The following ZBTB46 variants were observed in gnomAD, a reference collection of about 807,000 sequenced individuals.
ZBTB46 encodes zinc finger and BTB domain containing 46.
ZBTB46 carries 8 observed loss-of-function variants against 44.1 expected under a neutral mutation model. That is an observed-to-expected ratio of 0.18 (90% confidence interval 0.11 to 0.33). The LOEUF (loss-of-function observed/expected upper bound fraction) is 0.33. Ranked by LOEUF, ZBTB46 falls within the 10% of genes least tolerant of loss-of-function variation. ZBTB46 has a pLI of 1.00. For synonymous variants in ZBTB46, 409 were observed against 382.3 expected (o/e 1.07, Z -0.81); for missense variants, 651 against 847.7 (o/e 0.77, Z 2.88).
At chr20:63,770,065 A>G (rs1051407509) in intron 3 of ZBTB46, among the ~76,000 whole-genome samples, 3 of 152,154 alleles carry the variant, frequency 2.0e-5, no homozygotes, top group African/African-American at 7.2e-5. Context: ...GACTCTTTAA[A>G]AGAGTGAGGG....
chr20:63,825,169 G>C (rs2092813019), intron 1 of ZBTB46, among the ~76,000 whole-genome samples: 1 of 151,570 alleles, frequency 6.6e-6, no homozygotes, highest in African/African-American at 2.4e-5. Flanking sequence ...GGGAGACCGA[G>C]GCAGGCGGAT....
At position 63,775,948 on chromosome 20, in the gene ZBTB46, C is replaced by T. The variant is rs779293573; in HGVS notation, c.952G>A (p.Val318Ile). Residue 318 changes from valine to isoleucine, a missense_variant, in exon 3 of 5, where the codon GTC (valine) becomes ATC (isoleucine). Val to Ile is a conservative substitution (Grantham distance 29). Transcript: ENST00000245663. Reference protein sequence around the residue: ...SSRDSNADLSVTEASSSDSRG... With the variant: ...SSRDSNADLSITEASSSDSRG... The stretch of plus-strand genomic sequence containing the variant: ...CTGTCGGAGCTGCTGGCTTCGGTGA[C>T]GGACAGGTCCGCATCTGGGGACAGA... 5.1e-6 allele frequency: 8 copies of T among 1,570,396 alleles called. No individual in the cohort carries two copies. The highest frequency in any genetic ancestry group is 1.8e-5 in the Admixed American group (1 of 55,716).
In ZBTB46 at chr20:63,803,664, G is replaced by A. The variant is rs1053271751; in HGVS notation, c.-33-12874C>T. Among the ~76,000 whole-genome samples the A allele has an allele frequency of 1.3e-5, 2 of 151,198 alleles. No individual in the cohort carries two copies. The highest frequency in any genetic ancestry group is 4.2e-4 in the South Asian group (2 of 4,740). ...CCTTCATCTCCAGCCCGGCTCTGACGCCCAGGCCGCCTCCTCCGCCTTCCC... is the reference window on the plus strand; with the variant it reads ...CCTTCATCTCCAGCCCGGCTCTGACACCCAGGCCGCCTCCTCCGCCTTCCC... On this transcript the variant is annotated intron_variant, in intron 1 of 4. Coordinates refer to ENST00000245663, the MANE Select transcript of ZBTB46 (RefSeq NM_001369741.1). The surrounding 1 kb of genome is among the most constrained non-coding windows in gnomAD (Gnocchi z 4.0).
chr20:63,781,140 C>CAAAAAAAAAAAA (rs58102231), intron 2 of ZBTB46, among the ~76,000 whole-genome samples: 48 of 83,924 alleles, frequency 5.7e-4, no homozygotes, highest in African/African-American at 1.2e-3. Context: ...GACTCTGCCT[C>CAAAAAAAAAAAA]AAAAAAAAAA....
intron 1 of ZBTB46, among the ~76,000 whole-genome samples, chr20:63,800,997 G>C (rs2092639981): frequency 6.6e-6 from 1 of 152,266 alleles, no homozygotes; most frequent in Non-Finnish European, 1.5e-5. Flanking sequence ...CTGGGCTCCT[G>C]AGTCTGGTGG....
In ZBTB46 at chr20:63,751,621, C is replaced by G. The variant is rs538762658; in HGVS notation, c.1398+1065G>C. On this transcript the variant is annotated intron_variant, in intron 4 of 4. Coordinates refer to ENST00000245663, the MANE Select transcript of ZBTB46 (RefSeq NM_001369741.1). ...GACCTCTGGCGCTCGGTTCCGCCCCCCAGTGGGTCTCCCCATAAAGCCCCG... is the reference window on the plus strand; with the variant it reads ...GACCTCTGGCGCTCGGTTCCGCCCCGCAGTGGGTCTCCCCATAAAGCCCCG... Among the ~76,000 whole-genome samples, 244 of 151,828 alleles carry G rather than the reference C, an allele frequency of 1.6e-3. 2 individuals are homozygous for G. The highest frequency in any genetic ancestry group is 5.4e-3 in the African/African-American group (222 of 41,420).
chr20:63,768,882 C>G (rs752866428), intron 3 of ZBTB46, among the ~76,000 whole-genome samples: 1 of 152,120 alleles, frequency 6.6e-6, no homozygotes, highest in Non-Finnish European at 1.5e-5. Flanking sequence ...CGGCCACCAC[C>G]ACTGAGCTCT....
intron 3 of ZBTB46, among the ~76,000 whole-genome samples, chr20:63,764,361 G>A (rs1009280996): frequency 1.6e-4 from 24 of 151,998 alleles, no homozygotes; most frequent in Non-Finnish European, 2.8e-4. Flanking sequence ...ACTTGAACTC[G>A]GGAGGCAGAG....
chr20:63,832,570 C>A (rs1201207733), upstream of ZBTB46, among the ~76,000 whole-genome samples: 1 of 152,210 alleles, frequency 6.6e-6, no homozygotes, highest in Non-Finnish European at 1.5e-5. This position sits in a 1 kb window ranked among gnomAD's most constrained non-coding sequence, Gnocchi z 5.0. Flanking sequence ...AAAGGCGAAG[C>A]GAGGTGTGGC....
intron 1 of ZBTB46, among the ~76,000 whole-genome samples, chr20:63,811,566 C>T (rs144121181): frequency 6.6e-6 from 1 of 151,610 alleles, no homozygotes; most frequent in African/African-American, 2.4e-5. Context: ...CTCGGGGGTG[C>T]AGAGAGGGGG....
At chr20:63,808,994 A>AG (rs1568895088) in intron 1 of ZBTB46, among the ~76,000 whole-genome samples, 2 of 144,326 alleles carry the variant, frequency 1.4e-5, no homozygotes, top group East Asian at 2.0e-4. Flanking sequence ...AAAAAAAAAA[A>AG]AAAAAGAAAA....
chr20:63,787,144 G>A lies in ZBTB46; in HGVS notation c.937+2677C>T, dbSNP rs979810995. Among the ~76,000 whole-genome samples, 4 of 152,128 alleles carry A rather than the reference G, an allele frequency of 2.6e-5. No individual in the cohort carries two copies. Among genetic ancestry groups the A allele is most frequent in the Non-Finnish European group, 5.9e-5 (4 of 68,028 alleles). ...TTGGGATGATGGAAAAGTTGTGATC[G>A]CAGAACTTCATGCGCCACAGAAGGG... On this transcript the variant is annotated intron_variant, in intron 2 of 4. Coordinates refer to ENST00000245663, the MANE Select transcript of ZBTB46 (RefSeq NM_001369741.1). This position sits in a 1 kb window ranked among gnomAD's most constrained non-coding sequence, Gnocchi z 4.6.
At chr20:63,755,455 T>G (rs1192884041) in intron 3 of ZBTB46, among the ~76,000 whole-genome samples, 1 of 152,222 alleles carries the variant, frequency 6.6e-6, no homozygotes, top group Non-Finnish European at 1.5e-5. Context: ...TGGCCTTTTC[T>G]CTGTCTGTGT....
Position 63,752,454 on chromosome 20 carries a change from T to C in ZBTB46, c.1398+232A>G, listed in dbSNP as rs2092177423. Reference sequence around the variant, plus strand: ...CCTGGCTGCCTTGGCGGCCAGCAGGTGAGCAGGGTGGGCCGAAGCCTCTGC... The same window carrying C: ...CCTGGCTGCCTTGGCGGCCAGCAGGCGAGCAGGGTGGGCCGAAGCCTCTGC... On this transcript the variant is annotated intron_variant, in intron 4 of 4. Coordinates refer to ENST00000245663, the MANE Select transcript of ZBTB46 (RefSeq NM_001369741.1). The surrounding 1 kb of genome is among the most constrained non-coding windows in gnomAD (Gnocchi z 5.6). Among the ~76,000 whole-genome samples, 2 of 151,864 alleles carry C rather than the reference T, an allele frequency of 1.3e-5. No individual in the cohort carries two copies. The highest frequency in any genetic ancestry group is 1.5e-5 in the Non-Finnish European group (1 of 67,880).
chr20:63,804,770 T>C (rs1221634317), intron 1 of ZBTB46, among the ~76,000 whole-genome samples: 10 of 151,730 alleles, frequency 6.6e-5, no homozygotes, highest in Admixed American at 6.6e-4. Context: ...GGGGCGCCTG[T>C]AGTCCCAGCT....
At chr20:63,778,242 G>T (rs1286686650) in intron 2 of ZBTB46, among the ~76,000 whole-genome samples, 1 of 152,168 alleles carries the variant, frequency 6.6e-6, no homozygotes. Flanking sequence ...AAAAGGTGAC[G>T]ACTTGAGTCA....
upstream of ZBTB46, among the ~76,000 whole-genome samples, chr20:63,833,550 C>T (rs1476857910): frequency 5.3e-5 from 8 of 152,064 alleles, no homozygotes; most frequent in South Asian, 2.1e-4. Flanking sequence ...AAGTTCGTGC[C>T]GCTGCACTCC....
intron 1 of ZBTB46, among the ~76,000 whole-genome samples, chr20:63,799,990 T>C (rs529147697): frequency 6.6e-6 from 1 of 152,054 alleles, no homozygotes; most frequent in African/African-American, 2.4e-5. Context: ...TGCGTGAACG[T>C]TCACACCAGC....
At chr20:63,811,063 G>A (rs2092715015) in intron 1 of ZBTB46, among the ~76,000 whole-genome samples, 1 of 152,194 alleles carries the variant, frequency 6.6e-6, no homozygotes, top group Non-Finnish European at 1.5e-5. Context: ...AACCCAACAG[G>A]CAGGCGAAGA....
Sources: gnomAD v4.1 joint callset for allele counts (sites outside exome capture counted in the v4.1 genomes callset) on GRCh38, gnomAD v4.1.1 for gene constraint, Gnocchi (gnomAD v3.1) non-coding constraint, MANE v1.5 for transcripts, NCBI Gene and HGNC (gene_info 2026-07-23, HGNC 2026-07-21) for gene names.